Variants in ZBTB7C observed in about 807,000 individuals in gnomAD.
The protein encoded by ZBTB7C is zinc finger and BTB domain containing 7C.
ZBTB7C carries 8 observed loss-of-function variants against 25.7 expected under a neutral mutation model. That is an observed-to-expected ratio of 0.31 (90% CI 0.18 to 0.56). The LOEUF is 0.56. Among genes scored for constraint, ZBTB7C ranks in the 20% least tolerant of loss-of-function variants. The pLI, the probability that ZBTB7C is intolerant of heterozygous loss-of-function variation, is 0.91. For missense variants in ZBTB7C, 824 were observed against 855.2 expected (o/e 0.96, Z 0.46); for synonymous variants, 394 against 369.0 (o/e 1.07, Z -0.78).
intron 3 of ZBTB7C, chr18:48,149,176 ATGTG>A (rs201705034): frequency 6.7e-6 from 1 of 150,118 alleles, no homozygotes; most frequent in Non-Finnish European, 1.5e-5. Flanking sequence ...GAGTGTGTGC[ATGTG>A]TGTGTGCGCA....
chr18:48,225,956 T>C (rs2043078682), intron 2 of ZBTB7C, among the ~76,000 whole-genome samples: 1 of 152,198 alleles, frequency 6.6e-6, no homozygotes, highest in African/African-American at 2.4e-5. Flanking sequence ...TTGGGCAGGA[T>C]GGTCTCGATC....
chr18:48,308,835 C>T (rs1455712635), intron 2 of ZBTB7C, among the ~76,000 whole-genome samples: 1 of 152,210 alleles, frequency 6.6e-6, no homozygotes, highest in African/African-American at 2.4e-5. Flanking sequence ...TCCCAGACCT[C>T]CTGAATCTAA....
At chr18:48,161,535 G>A (rs889907997) in intron 3 of ZBTB7C, among the ~76,000 whole-genome samples, 2 of 152,096 alleles carry the variant, frequency 1.3e-5, no homozygotes, top group African/African-American at 4.8e-5. Context: ...TGTTCAGACT[G>A]GTTCGCCCAC....
At chr18:48,287,392 G>A (rs2045088484) in intron 2 of ZBTB7C, among the ~76,000 whole-genome samples, 1 of 152,190 alleles carries the variant, frequency 6.6e-6, no homozygotes, top group Admixed American at 6.5e-5. Flanking sequence ...AATCTGAAGA[G>A]TCTTCCAATC....
intron 3 of ZBTB7C, among the ~76,000 whole-genome samples, chr18:48,092,251 A>G (rs541278201): frequency 6.6e-6 from 1 of 152,236 alleles, no homozygotes; most frequent in African/African-American, 2.4e-5. Context: ...AATGAACTTA[A>G]CACGTTGTGA....
At chr18:48,345,865 A>G (rs72911553) in intron 1 of ZBTB7C, among the ~76,000 whole-genome samples, 28,633 of 152,128 alleles carry the variant, frequency 0.19, 2,981 homozygotes, top group Non-Finnish European at 0.22. Flanking sequence ...ATCATTTCCC[A>G]TCTCTGAACC....
chr18:48,299,416 G>T (rs566331124), intron 2 of ZBTB7C, among the ~76,000 whole-genome samples: 1 of 152,198 alleles, frequency 6.6e-6, no homozygotes, highest in Non-Finnish European at 1.5e-5. Flanking sequence ...TCCACCGAAG[G>T]GAGAACAGAA....
chr18:48,367,837 G>T (rs1191321265), intron 1 of ZBTB7C, among the ~76,000 whole-genome samples: 1 of 151,956 alleles, frequency 6.6e-6, no homozygotes, highest in Non-Finnish European at 1.5e-5. Context: ...GTCAGTGGGG[G>T]TCACATGGGG....
Position 48,363,198 on chromosome 18 carries a change from G to GCTGCTC in ZBTB7C, c.-303-24806_-303-24801dup, listed in dbSNP as rs771203501. On this transcript the variant is annotated intron_variant, in intron 1 of 4. Coordinates refer to ENST00000590800, the MANE Select transcript of ZBTB7C (RefSeq NM_001318841.2). ...TTGCTGTTGAGGTTTTTGTGTTCTT[G>GCTGCTC]CTGCTCGGGAGGGAGGGACCCTCCT... 2.2e-3 allele frequency among the ~76,000 whole-genome samples: 328 copies of GCTGCTC among 149,580 alleles called. 3 individuals carry two copies. The highest frequency in any genetic ancestry group is 3.5e-3 in the Non-Finnish European group (234 of 66,438).
chr18:48,187,339 T>C (rs774450953), intron 2 of ZBTB7C, among the ~76,000 whole-genome samples: 6 of 152,148 alleles, frequency 3.9e-5, no homozygotes, highest in Non-Finnish European at 7.4e-5. Context: ...GATAAACAAA[T>C]GTGGTAAATA....
intron 3 of ZBTB7C, among the ~76,000 whole-genome samples, chr18:48,068,224 C>T (rs1364692194): frequency 3.3e-5 from 5 of 151,060 alleles, no homozygotes; most frequent in South Asian, 4.2e-4. Context: ...CTGCAGGCTC[C>T]GCCTCCCGGG....
intron 3 of ZBTB7C, among the ~76,000 whole-genome samples, chr18:48,080,187 C>G (rs1198220580): frequency 6.6e-6 from 1 of 152,198 alleles, no homozygotes; most frequent in Non-Finnish European, 1.5e-5. Flanking sequence ...CCTGCTGTCA[C>G]TCTTAACACT....
chr18:48,276,272 CTCTT>C (rs1222549257), intron 2 of ZBTB7C, among the ~76,000 whole-genome samples: 1 of 137,666 alleles, frequency 7.3e-6, no homozygotes, highest in Non-Finnish European at 1.6e-5. Context: ...TAAGCTTTCT[CTCTT>C]TTTTTTTTTT....
At chr18:48,224,334 T>C (rs1025448771) in intron 2 of ZBTB7C, among the ~76,000 whole-genome samples, 1 of 152,174 alleles carries the variant, frequency 6.6e-6, no homozygotes, top group African/African-American at 2.4e-5. Flanking sequence ...GCACAAGATC[T>C]GATTCATAAC....
At chr18:48,266,288 C>T (rs943287970) in intron 2 of ZBTB7C, among the ~76,000 whole-genome samples, 12 of 152,138 alleles carry the variant, frequency 7.9e-5, no homozygotes, top group African/African-American at 2.9e-4. Context: ...GGGAGGAAGG[C>T]ATCCAGGAGG....
chr18:48,297,166 C>T (rs74741451), intron 2 of ZBTB7C, among the ~76,000 whole-genome samples: 208 of 152,352 alleles, frequency 1.4e-3, no homozygotes, highest in African/African-American at 4.5e-3. Flanking sequence ...CTCTCTCCTA[C>T]ACAAAGAGTG....
At chr18:48,149,169 T>A (rs889794883) in intron 3 of ZBTB7C, 1 of 150,818 alleles carries the variant, frequency 6.6e-6, no homozygotes, top group African/African-American at 2.5e-5. Context: ...TGTGTGCGAG[T>A]GTGTGCATGT....
At chr18:48,138,234 C>T (rs1386484336) in intron 3 of ZBTB7C, among the ~76,000 whole-genome samples, 1 of 152,234 alleles carries the variant, frequency 6.6e-6, no homozygotes, top group East Asian at 1.9e-4. Flanking sequence ...GGTGCATTGG[C>T]CATGAAGGTC....
intron 1 of ZBTB7C, among the ~76,000 whole-genome samples, chr18:48,350,015 G>A (rs970093297): frequency 1.2e-4 from 19 of 152,200 alleles, no homozygotes; most frequent in Admixed American, 7.2e-4. Flanking sequence ...AAATGAGTGC[G>A]TTTCCTCAGT....
Sources: gnomAD v4.1 joint callset for allele counts (sites outside exome capture counted in the v4.1 genomes callset) on GRCh38, gnomAD v4.1.1 for gene constraint, MANE v1.5 for transcripts, NCBI Gene and HGNC (gene_info 2026-07-23, HGNC 2026-07-21) for gene names.